The following SERTM1 variants were observed in gnomAD, a reference collection of about 807,000 sequenced individuals.
SERTM1 encodes the protein serine rich and transmembrane domain containing 1.
In SERTM1, 1 loss-of-function variant was observed where a neutral mutation model predicts 5.5. The ratio of observed to expected loss-of-function variants is 0.18; its 90% CI spans 0.06 to 0.86. SERTM1 has a LOEUF of 0.86. Among genes scored for constraint, SERTM1 ranks in the 40% least tolerant of loss-of-function variants. SERTM1 has a pLI of 0.69. For synonymous variants in SERTM1, 52 were observed against 55.1 expected, an observed-to-expected ratio of 0.94 and a Z score of 0.25; for missense variants, 91 against 122.4, an observed-to-expected ratio of 0.74 and a Z score of 1.21.
At chr13:36,689,394 A>G (rs1357635565) in intron 1 of SERTM1, among the ~76,000 whole-genome samples, 1 of 151,804 alleles carries the variant, frequency 6.6e-6, no homozygotes, top group Non-Finnish European at 1.5e-5. Flanking sequence ...AATCCCCGCT[A>G]CTAGGGAGGC....
At chr13:36,680,945 T>C (rs967178468) in intron 1 of SERTM1, among the ~76,000 whole-genome samples, 7 of 152,202 alleles carry the variant, frequency 4.6e-5, no homozygotes, top group African/African-American at 1.7e-4. Context: ...GTACCTGCTA[T>C]ATATTTGCAG....
chr13:36,682,334 C>T (rs532899901), intron 1 of SERTM1, among the ~76,000 whole-genome samples: 1 of 152,246 alleles, frequency 6.6e-6, no homozygotes, highest in Admixed American at 6.5e-5. Context: ...TCTAGGACTT[C>T]CCAGTTTGTT....
intron 1 of SERTM1, among the ~76,000 whole-genome samples, chr13:36,693,870 A>G (rs1399204317): frequency 6.6e-6 from 1 of 151,972 alleles, no homozygotes; most frequent in Non-Finnish European, 1.5e-5. Flanking sequence ...CTGGACTAGA[A>G]GAAAGACTTA....
intron 1 of SERTM1, among the ~76,000 whole-genome samples, chr13:36,684,878 CAT>C (rs1165909558): frequency 6.6e-6 from 1 of 152,114 alleles, no homozygotes; most frequent in African/African-American, 2.4e-5. Context: ...TGAGTGAAAA[CAT>C]ATTTATTTAT....
chr13:36,685,385 G>A (rs570211544), intron 1 of SERTM1, among the ~76,000 whole-genome samples: 9 of 152,194 alleles, frequency 5.9e-5, no homozygotes, highest in Non-Finnish European at 1.0e-4. Flanking sequence ...AGGTAGATGA[G>A]TAATTTTGCA....
In SERTM1 at chr13:36,674,856, C is replaced by T. The variant is rs1403970572; in HGVS notation, c.-174+672C>T. Among the ~76,000 whole-genome samples, 5 of 152,182 alleles carry T rather than the reference C, an allele frequency of 3.3e-5. 1 individual carries two copies. The South Asian group carries it at 6.2e-4, about 19-fold the overall frequency. ...TTTCCCAGGGGCGTTTTCCCTAGCT[C>T]CCGGAAACCCAGTAGGTAACTGCGC... On this transcript the variant is annotated intron_variant, in intron 1 of 1. Coordinates refer to ENST00000315190, the MANE Select transcript of SERTM1 (RefSeq NM_203451.3).
chr13:36,684,883 TTATTTA>T (rs2056730171), intron 1 of SERTM1, among the ~76,000 whole-genome samples: 1 of 152,178 alleles, frequency 6.6e-6, no homozygotes, highest in South Asian at 2.1e-4. Context: ...GAAAACATAT[TTATTTA>T]TATTTTTAAA....
intron 1 of SERTM1, among the ~76,000 whole-genome samples, chr13:36,679,554 C>T (rs1039120158): frequency 1.3e-5 from 2 of 151,990 alleles, no homozygotes; most frequent in Non-Finnish European, 2.9e-5. Context: ...ATCACAGGTG[C>T]CTGCCACCAC....
chr13:36,676,576 C>T (rs1233364656), intron 1 of SERTM1, among the ~76,000 whole-genome samples: 4 of 150,218 alleles, frequency 2.7e-5, no homozygotes, highest in Non-Finnish European at 5.9e-5. Flanking sequence ...TCTGAATGGC[C>T]CTGGATGCCA....
In SERTM1 at chr13:36,696,277, T is replaced by C. The variant is rs2056813198; in HGVS notation, c.*875T>C. 6.0e-6 allele frequency: 1 copy of C among 166,906 alleles called. No homozygotes were observed. The highest frequency in any genetic ancestry group is 1.5e-5 in the Non-Finnish European group (1 of 68,122). The allele number at this position is 166,906 out of a possible 1,614,324, so 10.3% of individuals were successfully genotyped here. A position where few individuals can be genotyped will look rare whatever the true frequency, so the allele number is the denominator to read the frequency against. ...TTGTATTTTATACAGTAATAACTCT[T>C]AGCTGTCGTGTAAGTTCCTTTATTC... On this transcript the variant is annotated 3_prime_UTR_variant, in exon 2 of 2. Coordinates refer to ENST00000315190, the MANE Select transcript of SERTM1 (RefSeq NM_203451.3).
chr13:36,679,600 G>T (rs898318026), intron 1 of SERTM1, among the ~76,000 whole-genome samples: 3 of 152,064 alleles, frequency 2.0e-5, no homozygotes, highest in Non-Finnish European at 4.4e-5. Context: ...TAGAGATGGG[G>T]TTTCACCATG....
rs905487345 is a variant in SERTM1 at position 36,696,700 on chromosome 13, A to G, written c.*1298A>G. ...AACTCAAGCTGCCCCTAAAAACAAA[A>G]CAATCAAACTGCAGCTCCTTAAGAG... On this transcript the variant is annotated 3_prime_UTR_variant, in exon 2 of 2. Transcript: ENST00000315190. 9.0e-5 allele frequency: 15 copies of G among 166,906 alleles called. No individual in the cohort carries two copies. Among genetic ancestry groups the G allele is most frequent in the African/African-American group, 3.4e-4 (14 of 41,442 alleles). The allele number at this position is 166,906 out of a possible 1,614,324, so 10.3% of individuals were successfully genotyped here.
chr13:36,687,746 C>T (rs963481837), intron 1 of SERTM1, among the ~76,000 whole-genome samples: 9 of 143,120 alleles, frequency 6.3e-5, no homozygotes, highest in Non-Finnish European at 1.2e-4. Flanking sequence ...ATTAAAAATA[C>T]ACACACACAC....
chr13:36,694,926 C>G lies in SERTM1; in HGVS notation c.-153C>G. 2 of 606,568 alleles carry G rather than the reference C, an allele frequency of 3.3e-6. No homozygotes were observed. The highest frequency in any genetic ancestry group is 5.8e-6 in the Non-Finnish European group (2 of 343,546). 37.6% of individuals were successfully genotyped at this position (606,568 alleles called of 1,614,324 possible). A position where few individuals can be genotyped will look rare whatever the true frequency, so the allele number is the denominator to read the frequency against. On this transcript the variant is annotated 5_prime_UTR_variant, in exon 2 of 2. Transcript: ENST00000315190. ...TTCAGTCTCAATGCACATCTGATACCTGCTGCCTTTGAGAAACAAGTTTTG... is the reference window on the plus strand; with the variant it reads ...TTCAGTCTCAATGCACATCTGATACGTGCTGCCTTTGAGAAACAAGTTTTG...
rs1301242616 is a variant in SERTM1 at position 36,695,073 on chromosome 13, A to C, written c.-6A>C. 6.2e-7 allele frequency: 1 copy of C among 1,609,808 alleles called. No individual in the cohort carries two copies. The highest frequency in any genetic ancestry group is 1.7e-5 in the Admixed American group (1 of 59,760). ...CTACCAGATCACTCCTTCACCCTCC[A>C]TAAAGATGTCTGAACCTGACACTTC... On this transcript the variant is annotated 5_prime_UTR_variant, in exon 2 of 2. Coordinates refer to ENST00000315190, the MANE Select transcript of SERTM1 (RefSeq NM_203451.3).
chr13:36,678,254 C>G (rs2056681674), intron 1 of SERTM1, among the ~76,000 whole-genome samples: 1 of 152,124 alleles, frequency 6.6e-6, no homozygotes, highest in Non-Finnish European at 1.5e-5. Context: ...CCCCATAATA[C>G]TACCCTCTAA....
At chr13:36,679,389 T>C (rs1193136758) in intron 1 of SERTM1, among the ~76,000 whole-genome samples, 2 of 152,030 alleles carry the variant, frequency 1.3e-5, no homozygotes, top group African/African-American at 4.8e-5. Context: ...TTTTGTTTGT[T>C]TGTTTTGTTT....
chr13:36,691,838 G>T (rs2056780529), intron 1 of SERTM1, among the ~76,000 whole-genome samples: 1 of 152,162 alleles, frequency 6.6e-6, no homozygotes, highest in Admixed American at 6.5e-5. Context: ...GCAACCTCCA[G>T]CCTGTTTCCA....
intron 1 of SERTM1, among the ~76,000 whole-genome samples, chr13:36,685,625 A>G (rs758575523): frequency 5.3e-5 from 8 of 152,202 alleles, no homozygotes; most frequent in Non-Finnish European, 1.2e-4. Flanking sequence ...ATTGGCCCCT[A>G]TGACAAAAGA....
Sources: gnomAD v4.1 joint callset for allele counts (sites outside exome capture counted in the v4.1 genomes callset) on GRCh38, gnomAD v4.1.1 for gene constraint, MANE v1.5 for transcripts, NCBI Gene and HGNC (gene_info 2026-07-23, HGNC 2026-07-21) for gene names.